Variants in TRAPPC9 observed in about 807,000 individuals in gnomAD.
TRAPPC9 encodes IKK2 binding protein.
TRAPPC9 carries 83 observed loss-of-function variants against 124.0 expected under a neutral mutation model. The ratio of observed to expected loss-of-function variants is 0.67; its 90% CI spans 0.56 to 0.80. The LOEUF (loss-of-function observed/expected upper bound fraction) is 0.80. TRAPPC9 is among the 30% of genes least tolerant of loss of function. The probability of loss-of-function intolerance (pLI) is 0.00; values close to 1 mark genes in which losing one functional copy is unlikely to be tolerated. For synonymous variants in TRAPPC9, 638 were observed against 617.5 expected (o/e 1.03, Z -0.49); for missense variants, 1,302 against 1,508.3 (o/e 0.86, Z 2.27).
At chr8:139,948,851 C>T (rs552022122) in intron 19 of TRAPPC9, among the ~76,000 whole-genome samples, 13 of 152,164 alleles carry the variant, frequency 8.5e-5, no homozygotes, top group South Asian at 2.1e-4. Flanking sequence ...GATGAGGTGG[C>T]GGATCACTTG....
At chr8:140,172,369 G>A (rs1440657989) in intron 17 of TRAPPC9, among the ~76,000 whole-genome samples, 1 of 150,548 alleles carries the variant, frequency 6.6e-6, no homozygotes, top group Non-Finnish European at 1.5e-5. Flanking sequence ...ACAATGGAGG[G>A]GGAGTTAAAC....
At chr8:140,106,785 C>G (rs762654023) in intron 17 of TRAPPC9, among the ~76,000 whole-genome samples, 32 of 152,282 alleles carry the variant, frequency 2.1e-4, no homozygotes, top group Admixed American at 5.2e-4. Flanking sequence ...GCAAGATAGC[C>G]TATATAAAGG....
intron 17 of TRAPPC9, among the ~76,000 whole-genome samples, chr8:140,038,717 G>C (rs920039616): frequency 1.3e-5 from 2 of 152,238 alleles, no homozygotes; most frequent in Non-Finnish European, 2.9e-5. Flanking sequence ...CCCACGAAGG[G>C]AGAGAGGCAG....
chr8:140,313,918 C>T (rs1588138919), intron 9 of TRAPPC9, among the ~76,000 whole-genome samples: 1 of 152,118 alleles, frequency 6.6e-6, no homozygotes, highest in Admixed American at 6.5e-5. Flanking sequence ...TAGAGTCAAA[C>T]GCTTATGCCC....
chr8:139,972,970 A>G (rs1836201172), intron 19 of TRAPPC9, among the ~76,000 whole-genome samples: 1 of 151,968 alleles, frequency 6.6e-6, no homozygotes, highest in African/African-American at 2.4e-5. Context: ...CCCACCACTG[A>G]CTCAGAAGGG....
intron 8 of TRAPPC9, among the ~76,000 whole-genome samples, chr8:140,369,267 G>A (rs146471560): frequency 1.3e-5 from 2 of 152,308 alleles, no homozygotes; most frequent in East Asian, 3.9e-4. Context: ...AGCAACCACA[G>A]ACACGTAAGT....
intron 17 of TRAPPC9, among the ~76,000 whole-genome samples, chr8:140,051,811 T>C (rs759490053): frequency 6.6e-6 from 1 of 152,120 alleles, no homozygotes; most frequent in East Asian, 1.9e-4. Context: ...AGAGGACTAA[T>C]GAGAAGAGCA....
At chr8:140,084,556 T>G (rs1038386383) in intron 17 of TRAPPC9, among the ~76,000 whole-genome samples, 2 of 152,338 alleles carry the variant, frequency 1.3e-5, no homozygotes, top group African/African-American at 4.8e-5. Context: ...AAGGCCAGCA[T>G]GGAAATCAGA....
At chr8:139,910,495 A>G (rs946010304) in intron 19 of TRAPPC9, among the ~76,000 whole-genome samples, 195 bp from the exon 20 acceptor site, 2 of 152,208 alleles carry the variant, frequency 1.3e-5, no homozygotes, top group Admixed American at 6.5e-5. Context: ...TTCAACACAC[A>G]ATTTGGAGCT....
intron 17 of TRAPPC9, among the ~76,000 whole-genome samples, chr8:140,177,248 T>C (rs2062090207): frequency 6.6e-6 from 1 of 152,240 alleles, no homozygotes; most frequent in African/African-American, 2.4e-5. Context: ...GAATGTTTTC[T>C]TCTAGAAACT....
intron 19 of TRAPPC9, 121 bp from the exon 20 acceptor site, chr8:139,910,421 T>C: frequency 9.4e-7 from 1 of 1,063,904 alleles, no homozygotes; most frequent in Non-Finnish European, 1.4e-6. Context: ...TAGTAATTCA[T>C]AACGGATTCA....
chr8:140,439,801 T>C lies in TRAPPC9; in HGVS notation c.585-604A>G, dbSNP rs115422230. 3.3e-3 allele frequency among the ~76,000 whole-genome samples: 505 copies of C among 152,328 alleles called. 4 individuals are homozygous for C. The highest frequency in any genetic ancestry group is 0.011 in the African/African-American group (464 of 41,560). On this transcript the variant is annotated intron_variant, in intron 2 of 22. Transcript: ENST00000438773. ...AAACCAAAGAAACTGTACCAAAGTA[T>C]TCCTTTTATCATTTTTAAATACATC...
intron 19 of TRAPPC9, among the ~76,000 whole-genome samples, chr8:139,939,115 A>G (rs1436561812): frequency 1.3e-5 from 2 of 152,196 alleles, no homozygotes. Context: ...CATGACTTGT[A>G]CTCAAAGAAC....
At chr8:139,851,556 C>A (rs1318963182) in intron 21 of TRAPPC9, among the ~76,000 whole-genome samples, 1 of 152,086 alleles carries the variant, frequency 6.6e-6, no homozygotes, top group Non-Finnish European at 1.5e-5. Flanking sequence ...CAGAGCAGGT[C>A]CCTGAACTCT....
chr8:139,840,900 A>T (rs1311284207), intron 21 of TRAPPC9, among the ~76,000 whole-genome samples: 1 of 152,186 alleles, frequency 6.6e-6, no homozygotes, highest in Non-Finnish European at 1.5e-5. Flanking sequence ...TCCTGTAGCC[A>T]GCCCTTCTAG....
In TRAPPC9 at chr8:140,275,806, C is replaced by G. The variant is rs61756212; in HGVS notation, c.2130G>C (p.Leu710Phe). The part of the protein sequence containing the change: ...STSLPRSAHS[L>F]QPSSGDEIST... The stretch of plus-strand genomic sequence containing the variant: ...ATATTTCATCACCAGAAGAAGGTTG[C>G]AATGAATGTGCAGATCTAAAATAAG... The change falls in exon 15 of 23, where the codon TTG (leucine) becomes TTC (phenylalanine). Residue 710 changes from leucine (L) to phenylalanine (F), a missense_variant. Around this residue, in one of 3 missense-constraint regions of TRAPPC9, gnomAD observed 640 missense variants for 679.3 expected, o/e 0.94. Transcript: ENST00000438773. The G allele has an allele frequency of 6.2e-7, 1 of 1,612,866 alleles. No homozygotes were observed. The highest frequency in any genetic ancestry group is 1.1e-5 in the South Asian group (1 of 91,058).
intron 17 of TRAPPC9, among the ~76,000 whole-genome samples, chr8:140,149,733 G>A (rs1349846587): frequency 2.6e-5 from 4 of 152,148 alleles, no homozygotes; most frequent in African/African-American, 9.7e-5. Flanking sequence ...TGACTCGAAT[G>A]TACGTGAGTC....
At chr8:140,080,569 T>C (rs903500245) in intron 17 of TRAPPC9, among the ~76,000 whole-genome samples, 20 of 152,192 alleles carry the variant, frequency 1.3e-4, no homozygotes, top group Admixed American at 3.9e-4. Flanking sequence ...AACAACCCAC[T>C]CTCATGTTGA....
At chr8:140,213,741 A>C (rs2063121767) in intron 17 of TRAPPC9, among the ~76,000 whole-genome samples, 1 of 152,238 alleles carries the variant, frequency 6.6e-6, no homozygotes, top group African/African-American at 2.4e-5. Context: ...CCCAAAGCCA[A>C]CCATGCACAG....
Sources: allele counts gnomAD v4.1 joint callset (sites outside exome capture counted in the v4.1 genomes callset), GRCh38; gene constraint gnomAD v4.1.1; regional missense constraint gnomAD v4.1.1; transcripts MANE v1.5; gene names NCBI Gene and HGNC (gene_info 2026-07-23, HGNC 2026-07-21).